The following BMP2K variants were observed in gnomAD, a reference collection of about 807,000 sequenced individuals.
BMP2K encodes BMP2 inducible kinase.
A neutral mutation model predicts 116.0 loss-of-function variants in BMP2K; 74 were observed. That is an observed-to-expected ratio of 0.64 (90% CI 0.53 to 0.77). The LOEUF (loss-of-function observed/expected upper bound fraction) is 0.77. Among genes scored for constraint, BMP2K ranks in the 30% least tolerant of loss-of-function variants. The probability of loss-of-function intolerance (pLI) is 0.00; values close to 1 mark genes in which losing one functional copy is unlikely to be tolerated. For missense variants in BMP2K, 1,365 were observed against 1,403.6 expected (o/e 0.97, Z 0.44); for synonymous variants, 486 against 502.5 (o/e 0.97, Z 0.44).
intron 10 of BMP2K, among the ~76,000 whole-genome samples, chr4:78,869,680 G>T (rs903762058): frequency 6.6e-6 from 1 of 152,110 alleles, no homozygotes. Flanking sequence ...AATTTTCAAG[G>T]TGAATGATTT....
chr4:78,878,553 G>A (rs1732743202), intron 13 of BMP2K, among the ~76,000 whole-genome samples, 181 bp from the exon 14 acceptor site: 1 of 152,086 alleles, frequency 6.6e-6, no homozygotes, highest in African/African-American at 2.4e-5. Flanking sequence ...ATACCTTATG[G>A]AGGTGATCTA....
intron 1 of BMP2K, among the ~76,000 whole-genome samples, chr4:78,794,796 C>CA (rs1728174119): frequency 6.6e-6 from 1 of 152,192 alleles, no homozygotes; most frequent in Non-Finnish European, 1.5e-5. Flanking sequence ...CCCCTGGGCT[C>CA]AAGTGATTCT....
chr4:78,829,787 T>TCTCTTCTCTTCTC (rs1730089748), intron 2 of BMP2K, among the ~76,000 whole-genome samples: 26 of 86,646 alleles, frequency 3.0e-4, no homozygotes, highest in African/African-American at 3.4e-4. Flanking sequence ...TTTCTTTTCT[T>TCTCTTCTCTTCTC]TTCTCTTCTC....
rs966451164 is a variant in BMP2K at position 78,818,729 on chromosome 4, A to G, written c.179-7308A>G. ...AGCTTGTTTATCAAGCCATGTATTCATTTCCAGTCTTCTTTTTTAGAATGT... is the reference window on the plus strand; with the variant it reads ...AGCTTGTTTATCAAGCCATGTATTCGTTTCCAGTCTTCTTTTTTAGAATGT... On this transcript the variant is annotated intron_variant, in intron 1 of 15. Transcript: ENST00000502613. Among the ~76,000 whole-genome samples the G allele has an allele frequency of 2.7e-5, 4 of 149,570 alleles. No individual in the cohort carries two copies. The South Asian group carries it at 6.3e-4, about 24-fold the overall frequency.
intron 6 of BMP2K, among the ~76,000 whole-genome samples, chr4:78,850,578 A>G (rs1015617394): frequency 6.6e-5 from 10 of 151,912 alleles, no homozygotes; most frequent in Non-Finnish European, 2.9e-5. Context: ...CTGTTAAAGA[A>G]GAAGCTTTAT....
chr4:78,910,332 G>A (rs1734520018), intron 15 of BMP2K, among the ~76,000 whole-genome samples: 3 of 152,162 alleles, frequency 2.0e-5, no homozygotes, highest in Admixed American at 2.0e-4. Flanking sequence ...ACTACATTCT[G>A]TGTGCTATAA....
At chr4:78,891,977 T>G (rs929005162) in intron 15 of BMP2K, among the ~76,000 whole-genome samples, 4 of 152,186 alleles carry the variant, frequency 2.6e-5, no homozygotes, top group African/African-American at 9.6e-5. Context: ...TAGTTGACCA[T>G]GATTTCTTTT....
At chr4:78,816,265 CAT>C (rs1729348165) in intron 1 of BMP2K, among the ~76,000 whole-genome samples, 1 of 152,178 alleles carries the variant, frequency 6.6e-6, no homozygotes, top group Middle Eastern at 3.4e-3. Context: ...CATTAAGAAA[CAT>C]ATAATGTCAG....
At chr4:78,877,035 T>C (rs1490326351) in intron 13 of BMP2K, among the ~76,000 whole-genome samples, 1 of 152,156 alleles carries the variant, frequency 6.6e-6, no homozygotes, top group Non-Finnish European at 1.5e-5. Flanking sequence ...ATAAAAATAT[T>C]GTATAAAGGA....
intron 15 of BMP2K, among the ~76,000 whole-genome samples, chr4:78,890,400 A>ATG (rs910676280): frequency 4.4e-5 from 6 of 135,010 alleles, no homozygotes; most frequent in African/African-American, 2.3e-4. Flanking sequence ...ATACACAATC[A>ATG]TGCGCACACA....
At chr4:78,829,753 A>ATCTTTTTTCTTT (rs1553915807) in intron 2 of BMP2K, among the ~76,000 whole-genome samples, 31 of 122,080 alleles carry the variant, frequency 2.5e-4, no homozygotes, top group African/African-American at 1.0e-3. Flanking sequence ...CATGGAAACA[A>ATCTTTTTTCTTT]TCTTTTCTTT....
At chr4:78,904,954 CATTCTT>C (rs1473481447) in intron 15 of BMP2K, among the ~76,000 whole-genome samples, 2 of 151,784 alleles carry the variant, frequency 1.3e-5, no homozygotes, top group Admixed American at 6.6e-5. Context: ...TAGGAAAAAA[CATTCTT>C]AGTAACTCTG....
At chr4:78,860,770 C>CTTTTTTTTTTTTTTTTTTT (rs139384663) in intron 8 of BMP2K, among the ~76,000 whole-genome samples, 1 of 101,920 alleles carries the variant, frequency 9.8e-6, no homozygotes, top group Non-Finnish European at 1.9e-5. Flanking sequence ...GGTACCTTTC[C>CTTTTTTTTTTTTTTTTTTT]TTTTTTTTTT....
chr4:78,833,728 T>C, intron 3 of BMP2K, 41 bp downstream of exon 3: 1 of 1,366,782 alleles, frequency 7.3e-7, no homozygotes, highest in Non-Finnish European at 1.0e-6. Context: ...AAAAAGTTTC[T>C]CCTTAAATGG....
At chr4:78,876,322 CTG>C (rs1732630974) in intron 13 of BMP2K, among the ~76,000 whole-genome samples, 1 of 151,866 alleles carries the variant, frequency 6.6e-6, no homozygotes, top group Admixed American at 6.6e-5. Context: ...AGATGGGACT[CTG>C]TCACACAGAG....
intron 3 of BMP2K, among the ~76,000 whole-genome samples, chr4:78,840,562 C>CT: frequency 6.6e-6 from 1 of 152,126 alleles, no homozygotes; most frequent in Non-Finnish European, 1.5e-5. Context: ...GGTGGGGTAT[C>CT]TCATTTTAAA....
At chr4:78,791,303 GT>G (rs1727985335) in intron 1 of BMP2K, among the ~76,000 whole-genome samples, 1 of 152,130 alleles carries the variant, frequency 6.6e-6, no homozygotes, top group Non-Finnish European at 1.5e-5. Flanking sequence ...GGTAAAAAAT[GT>G]TTTCATAATA....
chr4:78,814,165 A>T (rs949562921), intron 1 of BMP2K, among the ~76,000 whole-genome samples: 2 of 152,140 alleles, frequency 1.3e-5, no homozygotes, highest in African/African-American at 4.8e-5. Context: ...TGGTGTAGAC[A>T]TCTGTTTCCC....
chr4:78,820,607 T>C (rs2109989268), intron 1 of BMP2K: 1 of 153,116 alleles, frequency 6.5e-6, no homozygotes, highest in South Asian at 2.1e-4. Flanking sequence ...GTTTTGCTCT[T>C]GTTGCCCAGG....
Sources: allele counts gnomAD v4.1 joint callset (sites outside exome capture counted in the v4.1 genomes callset), GRCh38; gene constraint gnomAD v4.1.1; transcripts MANE v1.5; gene names NCBI Gene and HGNC (gene_info 2026-07-23, HGNC 2026-07-21).